The following PDE7B variants were observed in gnomAD, a reference collection of about 807,000 sequenced individuals.
PDE7B encodes the protein 3',5'-cyclic-AMP phosphodiesterase 7B.
Under a neutral mutation model 56.2 loss-of-function variants are expected in PDE7B, and 29 were observed. That is an observed-to-expected ratio of 0.52 (90% CI 0.38 to 0.70). The LOEUF (loss-of-function observed/expected upper bound fraction) is 0.70, where lower values mean the gene tolerates loss of function less well. Among genes scored for constraint, PDE7B ranks in the 30% least tolerant of loss-of-function variants. The probability of loss-of-function intolerance (pLI) is 0.00; values close to 1 mark genes in which losing one functional copy is unlikely to be tolerated. For synonymous variants in PDE7B, 197 were observed against 196.9 expected (o/e 1.00, Z 0.00); for missense variants, 490 against 565.0 (o/e 0.87, Z 1.35).
At chr6:136,039,513 G>C (rs1377045138) in intron 2 of PDE7B, among the ~76,000 whole-genome samples, 1 of 152,096 alleles carries the variant, frequency 6.6e-6, no homozygotes. Context: ...AAACAGAGTA[G>C]GAAATAAAAA....
At chr6:135,975,696 CAACTT>C (rs1334647456) in intron 2 of PDE7B, among the ~76,000 whole-genome samples, 2 of 152,180 alleles carry the variant, frequency 1.3e-5, no homozygotes, top group Middle Eastern at 3.2e-3. Flanking sequence ...CAAATTAAAA[CAACTT>C]AAGACATTTT....
intron 12 of PDE7B, among the ~76,000 whole-genome samples, chr6:136,189,247 C>A (rs1321906103): frequency 6.6e-6 from 1 of 151,972 alleles, no homozygotes; most frequent in African/African-American, 2.4e-5. Context: ...GCTTCCCTCT[C>A]TCTACCAAAT....
At chr6:135,990,168 T>C (rs1180669754) in intron 2 of PDE7B, among the ~76,000 whole-genome samples, 2 of 150,826 alleles carry the variant, frequency 1.3e-5, no homozygotes, top group Admixed American at 1.3e-4. Context: ...CCATCTCGGC[T>C]CACTGCAACC....
At chr6:135,961,255 A>ATGTGTGTGTGTGTGTGTG (rs961322926) in intron 2 of PDE7B, among the ~76,000 whole-genome samples, 137 of 146,172 alleles carry the variant, frequency 9.4e-4, no homozygotes, top group African/African-American at 3.4e-3. Flanking sequence ...TAGAGTGTAT[A>ATGTGTGTGTGTGTGTGTG]TGTGTGTGTG....
chr6:136,006,850 C>T (rs1775793959), intron 2 of PDE7B, among the ~76,000 whole-genome samples: 3 of 152,170 alleles, frequency 2.0e-5, no homozygotes, highest in Admixed American at 1.3e-4. Flanking sequence ...ATCATGTTGT[C>T]TGCAAACAGG....
chr6:136,045,769 T>C (rs529714245), intron 2 of PDE7B, among the ~76,000 whole-genome samples: 1 of 152,050 alleles, frequency 6.6e-6, no homozygotes, highest in East Asian at 1.9e-4. Flanking sequence ...AATTGAAAGG[T>C]ACAGGAGCCA....
chr6:135,947,183 G>A (rs1229391402), intron 1 of PDE7B, among the ~76,000 whole-genome samples: 1 of 152,082 alleles, frequency 6.6e-6, no homozygotes, highest in African/African-American at 2.4e-5. Context: ...AATAGAAACT[G>A]TTTCAAACCA....
Position 135,924,617 on chromosome 6 carries a change from C to CTTTTT in PDE7B, c.22-22826_22-22822dup, listed in dbSNP as rs3037775. On this transcript the variant is annotated intron_variant, in intron 1 of 12. Coordinates refer to ENST00000308191, the MANE Select transcript of PDE7B (RefSeq NM_018945.4). ...TGAGTAGTGGAATCTCTCTCTCTCT[C>CTTTTT]TTTTTTTTTTTTTTTTTTTTTTTTT... is the stretch of plus-strand genomic sequence containing the variant. Among the ~76,000 whole-genome samples, 321 of 49,530 alleles carry CTTTTT rather than the reference C, an allele frequency of 6.5e-3. 3 individuals carry two copies. Among genetic ancestry groups the CTTTTT allele is most frequent in the African/African-American group, 0.013 (133 of 10,014 alleles). 32.5% of individuals were successfully genotyped at this position (49,530 alleles called of 152,430 possible). A position where few individuals can be genotyped will look rare whatever the true frequency, so the allele number is the denominator to read the frequency against.
chr6:136,027,592 G>A (rs1474466713), intron 2 of PDE7B, among the ~76,000 whole-genome samples: 1 of 151,952 alleles, frequency 6.6e-6, no homozygotes, highest in Non-Finnish European at 1.5e-5. Context: ...AAAAAAGAAT[G>A]AAAAAAATTG....
In PDE7B at chr6:135,891,001, A is replaced by G. The variant is rs967611623; in HGVS notation, c.21+38982A>G. Among the ~76,000 whole-genome samples the G allele has an allele frequency of 6.6e-5, 10 of 152,208 alleles. No homozygotes were observed. In the South Asian group the frequency reaches 1.5e-3, roughly 22 times the overall value. ...TGTGCCAAAAAAGCTCTTGTTTAACATGCTTCTTAGGATTAAAAGGGTTTC... is the reference window on the plus strand; with the variant it reads ...TGTGCCAAAAAAGCTCTTGTTTAACGTGCTTCTTAGGATTAAAAGGGTTTC... On this transcript the variant is annotated intron_variant, in intron 1 of 12. Transcript: ENST00000308191.
intron 8 of PDE7B, among the ~76,000 whole-genome samples, chr6:136,159,741 G>A (rs1014769773): frequency 7.2e-5 from 11 of 152,032 alleles, no homozygotes; most frequent in Admixed American, 4.6e-4. Context: ...TGTATCCTCC[G>A]GATTTAAAAT....
At chr6:135,961,891 G>C in intron 2 of PDE7B, among the ~76,000 whole-genome samples, 1 of 152,140 alleles carries the variant, frequency 6.6e-6, no homozygotes, top group South Asian at 2.1e-4. Flanking sequence ...CAGAAGATGT[G>C]TATGGCAGTT....
At chr6:136,155,866 A>G (rs760200245) in intron 8 of PDE7B, 108 bp downstream of exon 8, 3 of 1,187,228 alleles carry the variant, frequency 2.5e-6, no homozygotes, top group South Asian at 2.5e-5. Context: ...GGGTCCTAGA[A>G]GTTCAAAGAC....
intron 2 of PDE7B, among the ~76,000 whole-genome samples, chr6:136,040,708 G>C (rs1462321647): frequency 1.3e-5 from 2 of 152,094 alleles, no homozygotes; most frequent in African/African-American, 2.4e-5. Context: ...CTCTCTCTCT[G>C]TCATTTCATC....
intron 2 of PDE7B, among the ~76,000 whole-genome samples, chr6:135,951,759 GTTT>G (rs756990525): frequency 6.6e-6 from 1 of 151,870 alleles, no homozygotes; most frequent in Non-Finnish European, 1.5e-5. Flanking sequence ...CATTGGCCCT[GTTT>G]TTGTCTCATG....
intron 8 of PDE7B, among the ~76,000 whole-genome samples, chr6:136,165,104 C>T (rs1192428402): frequency 2.0e-5 from 3 of 152,182 alleles, no homozygotes; most frequent in African/African-American, 7.2e-5. Flanking sequence ...AGACCACTGA[C>T]ATGTGGGAGC....
intron 1 of PDE7B, among the ~76,000 whole-genome samples, chr6:135,869,205 G>C (rs560827062): frequency 6.6e-6 from 1 of 152,022 alleles, no homozygotes; most frequent in Non-Finnish European, 1.5e-5. Flanking sequence ...GACTGCTTTC[G>C]ATGGTGTGAA....
At chr6:135,950,053 A>G (rs1295120352) in intron 2 of PDE7B, among the ~76,000 whole-genome samples, 5 of 152,254 alleles carry the variant, frequency 3.3e-5, no homozygotes, top group East Asian at 3.9e-4. Flanking sequence ...ATCAATACAC[A>G]TGGATCAACC....
chr6:135,902,830 G>A (rs1239416692), intron 1 of PDE7B, among the ~76,000 whole-genome samples: 2 of 152,164 alleles, frequency 1.3e-5, no homozygotes, highest in African/African-American at 2.4e-5. Flanking sequence ...TAATAGAAAT[G>A]TAGCTGTTAG....
Sources: gnomAD v4.1 joint callset for allele counts (sites outside exome capture counted in the v4.1 genomes callset) on GRCh38, gnomAD v4.1.1 for gene constraint, MANE v1.5 for transcripts, NCBI Gene and HGNC (gene_info 2026-07-23, HGNC 2026-07-21) for gene names.